Variants in CDK11B observed in about 807,000 individuals in gnomAD.
The protein encoded by CDK11B is cyclin-dependent kinase 11B.
In CDK11B, 37 loss-of-function variants were observed where a neutral mutation model predicts 84.0. That is an observed-to-expected ratio of 0.44 (90% CI 0.34 to 0.58). The LOEUF is 0.58. Among genes scored for constraint, CDK11B ranks in the 20% least tolerant of loss-of-function variants. The pLI, the probability that CDK11B is intolerant of heterozygous loss-of-function variation, is 0.02. For synonymous variants in CDK11B, 269 were observed against 309.8 expected, an observed-to-expected ratio of 0.87 and a Z score of 1.38; for missense variants, 427 against 834.0, an observed-to-expected ratio of 0.51 and a Z score of 6.01.
rs369021133 is a variant in CDK11B at position 1,637,233 on chromosome 1, T to C, written c.1571-31A>G. 5.9e-4 allele frequency: 955 copies of C among 1,609,548 alleles called. 12 individuals are homozygous for C. In the African/African-American group the frequency reaches 7.5e-3, roughly 13 times the overall value. On this transcript the variant is annotated intron_variant, in intron 14 of 19. Transcript: ENST00000341832. Reference sequence around the variant, plus strand: ...AGGGAGGGAAGCTCCCATGTGGACCTGGCTGCCCCCAGCCCAGGGCACTCA... The same window carrying C: ...AGGGAGGGAAGCTCCCATGTGGACCCGGCTGCCCCCAGCCCAGGGCACTCA...
intron 4 of CDK11B, among the ~76,000 whole-genome samples, chr1:1,650,234 T>C (rs1181580659): frequency 0.016 from 1,625 of 104,772 alleles, 19 homozygotes; most frequent in Middle Eastern, 0.06. Flanking sequence ...TGCGCCACTG[T>C]ACTCCAGCCT....
At chr1:1,637,607 G>A (rs1476521686) in intron 13 of CDK11B, 94 bp from the exon 14 acceptor site, 31 of 1,608,524 alleles carry the variant, frequency 1.9e-5, no homozygotes, top group South Asian at 1.3e-4. Context: ...AAGGACCTCC[G>A]GTGCCACCCG....
At position 1,638,650 on chromosome 1, in the gene CDK11B, T is replaced by C; in HGVS notation, c.1252-60A>G. On this transcript the variant is annotated intron_variant, in intron 11 of 19. Coordinates refer to ENST00000341832, the MANE Select transcript of CDK11B (RefSeq NM_033486.3). ...CCATGCCAGCTGGAGGGAGGGCGGC[T>C]GCGTCCACAGGCACGGCACACCCGG... 4 of 1,297,660 alleles carry C rather than the reference T, an allele frequency of 3.1e-6. No individual in the cohort carries two copies. In the South Asian group the frequency reaches 4.8e-5, roughly 16 times the overall value. 80.4% of individuals were successfully genotyped at this position (1,297,660 alleles called of 1,614,324 possible).
intron 3 of CDK11B, 61 bp downstream of exon 3, chr1:1,655,308 A>T (rs1642599055): frequency 3.2e-6 from 5 of 1,570,796 alleles, no homozygotes; most frequent in Non-Finnish European, 2.6e-6. Flanking sequence ...CGACCCTAGG[A>T]AGGACCGGCC....
At chr1:1,636,295 G>A (rs1302476956) in intron 18 of CDK11B, 38 bp downstream of exon 18, 3 of 1,536,192 alleles carry the variant, frequency 2.0e-6, no homozygotes, top group Non-Finnish European at 2.6e-6. Flanking sequence ...CACCGCTATG[G>A]CTCGGGACCT....
chr1:1,654,849 G>C (rs1297703630), intron 3 of CDK11B, among the ~76,000 whole-genome samples: 3 of 151,326 alleles, frequency 2.0e-5, no homozygotes, highest in Non-Finnish European at 1.5e-5. Flanking sequence ...TAGTAGAGAC[G>C]GGGTTTCACT....
intron 3 of CDK11B, among the ~76,000 whole-genome samples, chr1:1,654,848 C>T (rs551805986): frequency 9.4e-4 from 141 of 150,716 alleles, no homozygotes; most frequent in East Asian, 4.5e-3. Flanking sequence ...TTAGTAGAGA[C>T]GGGGTTTCAC....
At chr1:1,648,036 T>C (rs956097975) in intron 5 of CDK11B, among the ~76,000 whole-genome samples, 1 of 152,300 alleles carries the variant, frequency 6.6e-6, no homozygotes, top group Non-Finnish European at 1.5e-5. Context: ...ATTATCCTTA[T>C]CAGTTTCCTT....
At chr1:1,648,652 T>A (rs1641487934) in intron 5 of CDK11B, among the ~76,000 whole-genome samples, 1 of 152,224 alleles carries the variant, frequency 6.6e-6, no homozygotes, top group South Asian at 2.1e-4. Flanking sequence ...GATCTGGGGC[T>A]ACACCGATGT....
chr1:1,650,268 CAAA>C (rs1212256890), intron 4 of CDK11B, among the ~76,000 whole-genome samples: 1 of 45,790 alleles, frequency 2.2e-5, no homozygotes, highest in Non-Finnish European at 4.3e-5. Context: ...GACTCCGTCC[CAAA>C]AAAAAAAAAA....
intron 2 of CDK11B, among the ~76,000 whole-genome samples, chr1:1,655,782 C>T (rs1466125324): frequency 6.6e-6 from 1 of 151,958 alleles, no homozygotes; most frequent in African/African-American, 2.4e-5. Flanking sequence ...ATTAGCTGGG[C>T]GTAGTGACCG....
In CDK11B at chr1:1,646,819, A is replaced by G. The variant is rs767280648; in HGVS notation, c.495-1557T>C. ...GTTCTTCTCTCTGAGCAGCTTGAGT[A>G]TGCCACTCCACTGCCTTCTGGCCTC... On this transcript the variant is annotated intron_variant, in intron 5 of 19. Transcript: ENST00000341832. 13 of 519,912 alleles carry G rather than the reference A, an allele frequency of 2.5e-5. 1 individual carries two copies. The highest frequency in any genetic ancestry group is 2.3e-4 in the African/African-American group (12 of 51,982). 32.2% of individuals were successfully genotyped at this position (519,912 alleles called of 1,614,324 possible).
intron 9 of CDK11B, 92 bp from the exon 10 acceptor site, chr1:1,641,205 T>C (rs1253738385): frequency 9.0e-6 from 14 of 1,562,150 alleles, no homozygotes; most frequent in East Asian, 6.8e-5. Context: ...AAGCAACAAG[T>C]GTTCCCAAGA....
In CDK11B at chr1:1,637,493, G is replaced by A. The variant is rs1202644398; in HGVS notation, c.1485C>T (p.Asn495=). The part of the protein sequence containing the change: ...VTVREIVVGS[N]MDKIYIVMNY... ...TCATCACGATGTAGATCTTGTCCAT[G>A]TTGCTGCCCACCACAATCTCCTGCA... Residue 495 remains asparagine (N), a synonymous_variant, in exon 14 of 20, where the codon AAC becomes AAT. Coordinates refer to ENST00000341832, the MANE Select transcript of CDK11B (RefSeq NM_033486.3). 6.2e-7 allele frequency: 1 copy of A among 1,613,494 alleles called. No homozygotes were observed. The highest frequency in any genetic ancestry group is 1.1e-5 in the South Asian group (1 of 91,040).
rs1642145647 is a variant in CDK11B at position 1,652,480 on chromosome 1, CTCTTTTCA to C, written c.306_313del (p.Asp102GlufsTer6). 1 of 1,507,458 alleles carries C rather than the reference CTCTTTTCA, an allele frequency of 6.6e-7. No individual in the cohort carries two copies. Among genetic ancestry groups the C allele is most frequent in the Non-Finnish European group, 8.8e-7 (1 of 1,138,058 alleles). 93.4% of individuals were successfully genotyped at this position (1,507,458 alleles called of 1,614,324 possible). A position where few individuals can be genotyped will look rare whatever the true frequency, so the allele number is the denominator to read the frequency against. ...GCTACGATGCCTACGTTTCTCTTTT[CTCTTTTCA>C]TCTTTTCTGTGATGAGCTTTTTCTT... On this transcript the variant is annotated frameshift_variant, in exon 4 of 20. Coordinates refer to ENST00000341832, the MANE Select transcript of CDK11B (RefSeq NM_033486.3). LOFTEE classifies it high-confidence loss of function.
intron 11 of CDK11B, among the ~76,000 whole-genome samples, chr1:1,639,611 G>A (rs902026112): frequency 1.3e-5 from 2 of 151,810 alleles, no homozygotes; most frequent in South Asian, 2.1e-4. Context: ...GTGGCCCGAC[G>A]CCTACGCTCA....
At position 1,656,320 on chromosome 1, in the gene CDK11B, G is replaced by A. The variant is rs11527163; in HGVS notation, c.112-836C>T. Among the ~76,000 whole-genome samples, 22 of 152,112 alleles carry A rather than the reference G, an allele frequency of 1.4e-4. No individual in the cohort carries two copies. The East Asian group carries it at 3.5e-3, about 24-fold the overall frequency. On this transcript the variant is annotated intron_variant, in intron 2 of 19. Transcript: ENST00000341832. ...AGCCTGACCAACAAGGTGAAAGCTC[G>A]TCTCTACTAAAAATATAAAAATTAG...
intron 4 of CDK11B, 32 bp from the exon 5 acceptor site, chr1:1,649,669 C>A: frequency 1.2e-6 from 2 of 1,605,662 alleles, no homozygotes; most frequent in South Asian, 2.2e-5. Flanking sequence ...TGCAAAGAAA[C>A]CTCACTTCAA....
chr1:1,638,918 T>C (rs1258970373), intron 11 of CDK11B, among the ~76,000 whole-genome samples: 51 of 149,776 alleles, frequency 3.4e-4, no homozygotes, highest in Middle Eastern at 3.6e-3. Flanking sequence ...CCGGCCAACA[T>C]AGCAACACTC....
Sources: gnomAD v4.1 joint callset for allele counts (sites outside exome capture counted in the v4.1 genomes callset) on GRCh38, gnomAD v4.1.1 for gene constraint, MANE v1.5 for transcripts, NCBI Gene and HGNC (gene_info 2026-07-23, HGNC 2026-07-21) for gene names.